ABCA6: variants seen among roughly 807,000 people sequenced by gnomAD.
ABCA6 encodes ATP-binding cassette sub-family A member 6.
ABCA6 carries 164 observed loss-of-function variants against 191.2 expected under a neutral mutation model. The observed-to-expected ratio is 0.86, with a 90% confidence interval of 0.76 to 0.98. The LOEUF is 0.98. Among genes scored for constraint, ABCA6 ranks in the 50% least tolerant of loss-of-function variants. ABCA6 has a pLI of 0.00. For synonymous variants in ABCA6, 636 were observed against 647.7 expected (o/e 0.98, Z 0.27); for missense variants, 1,958 against 1,894.1 (o/e 1.03, Z -0.63).
At position 69,141,743 on chromosome 17, in the gene ABCA6, A is replaced by G. The variant is rs2074026054; in HGVS notation, c.-46+2T>C. ...AGCACAACAAAATAGAGCTTTACTTACTGTCAGGAAAATAATAAAAAGCAC... is the reference window on the plus strand; with the variant it reads ...AGCACAACAAAATAGAGCTTTACTTGCTGTCAGGAAAATAATAAAAAGCAC... On this transcript the variant is annotated splice_donor_variant, in intron 1 of 38. Coordinates refer to ENST00000284425, the MANE Select transcript of ABCA6 (RefSeq NM_080284.3). LOFTEE classifies it low-confidence loss of function (5UTR_SPLICE). 1 of 152,084 alleles carries G rather than the reference A, an allele frequency of 6.6e-6. No homozygotes were observed. Among genetic ancestry groups the G allele is most frequent in the East Asian group, 1.9e-4 (1 of 5,194 alleles). The allele number at this position is 152,084 out of a possible 1,614,324, so 9.4% of individuals were successfully genotyped here.
At chr17:69,128,461 C>CTT (rs759294774) in intron 8 of ABCA6, among the ~76,000 whole-genome samples, 158 bp downstream of exon 8, 2 of 146,484 alleles carry the variant, frequency 1.4e-5, no homozygotes, top group African/African-American at 5.0e-5. Context: ...TGTGAGGTGA[C>CTT]TTTTTTTTTT....
chr17:69,128,762 C>G lies in ABCA6; in HGVS notation c.976G>C (p.Val326Leu), dbSNP rs776811173. The G allele has an allele frequency of 1.2e-6, 2 of 1,610,504 alleles. No individual in the cohort carries two copies. Among genetic ancestry groups the G allele is most frequent in the Non-Finnish European group, 1.7e-6 (2 of 1,178,126 alleles). ...AGAAACACAACCAAATTGGTGAGGA[C>G]AGCTTTCTTTAACAGCACACTCATC... ...FLMSVLLKKA[V>L]LTNLVVFLLT... Residue 326 changes from valine to leucine, a missense_variant, in exon 8 of 39, where the codon GTC becomes CTC. Transcript: ENST00000284425.
chr17:69,087,235 A>G lies in ABCA6; in HGVS notation c.3819+118T>C, dbSNP rs1171107680. 5 of 1,319,948 alleles carry G rather than the reference A, an allele frequency of 3.8e-6. No homozygotes were observed. In the African/African-American group the frequency reaches 4.4e-5, roughly 12 times the overall value. The allele number at this position is 1,319,948 out of a possible 1,614,324, so 81.8% of individuals were successfully genotyped here. On this transcript the variant is annotated intron_variant, in intron 29 of 38. Transcript: ENST00000284425. ...TACTTCTTTGGAGTGTCCTGGACGC[A>G]TAATACAGAAATGCACCAAACTCCA...
At chr17:69,113,141 G>A in intron 15 of ABCA6, 81 bp downstream of exon 15, 1 of 1,487,488 alleles carries the variant, frequency 6.7e-7, no homozygotes. Context: ...AATGAGAGCA[G>A]GGCTCTTACC....
rs189716957 is a variant in ABCA6 at position 69,110,780 on chromosome 17, T to C, written c.2272+21A>G. ...ACATTTTTTCCCATATTTCATTTCATTGTAATCATAGTTGAGTTACCTGGA... is the reference window on the plus strand; with the variant it reads ...ACATTTTTTCCCATATTTCATTTCACTGTAATCATAGTTGAGTTACCTGGA... On this transcript the variant is annotated intron_variant, in intron 17 of 38. Coordinates refer to ENST00000284425, the MANE Select transcript of ABCA6 (RefSeq NM_080284.3). The C allele has an allele frequency of 1.3e-3, 2,125 of 1,585,480 alleles. 2 individuals are homozygous for C. The highest frequency in any genetic ancestry group is 1.7e-3 in the Non-Finnish European group (1,977 of 1,168,106).
At chr17:69,093,159 T>C (rs954542324) in intron 25 of ABCA6, among the ~76,000 whole-genome samples, 2 of 152,192 alleles carry the variant, frequency 1.3e-5, no homozygotes, top group Non-Finnish European at 2.9e-5. Flanking sequence ...CTGAGCAAGT[T>C]ACTAAATTTT....
At chr17:69,084,935 A>T in intron 32 of ABCA6, 93 bp downstream of exon 32, 2 of 1,441,744 alleles carry the variant, frequency 1.4e-6, no homozygotes, top group Non-Finnish European at 1.8e-6. Context: ...TGGAGATAGC[A>T]TATTGACTCT....
At chr17:69,085,444 G>A (rs1350228012) in intron 31 of ABCA6, among the ~76,000 whole-genome samples, 181 bp downstream of exon 31, 1 of 142,610 alleles carries the variant, frequency 7.0e-6, no homozygotes, top group Non-Finnish European at 1.5e-5. Flanking sequence ...TTTCTGGTAA[G>A]ATTCCAAGTC....
intron 36 of ABCA6, 86 bp from the exon 37 acceptor site, chr17:69,081,231 TTTC>T: frequency 3.0e-6 from 2 of 669,852 alleles, no homozygotes; most frequent in Non-Finnish European, 2.6e-6. Flanking sequence ...TACCAACAAT[TTTC>T]TTCTTAAAAT....
At chr17:69,112,130 T>TC in intron 16 of ABCA6, 53 bp downstream of exon 16, 1 of 1,307,868 alleles carries the variant, frequency 7.6e-7, no homozygotes, top group Non-Finnish European at 1.1e-6. Context: ...TCCACCTTTT[T>TC]CATATACCAG....
intron 5 of ABCA6, 148 bp from the exon 6 acceptor site, chr17:69,134,015 T>G: frequency 1.8e-6 from 1 of 552,712 alleles, no homozygotes; most frequent in Non-Finnish European, 3.2e-6. Flanking sequence ...TAAAGGCAAC[T>G]GGATGAAGGG....
At position 69,088,252 on chromosome 17, in the gene ABCA6, A is replaced by G; in HGVS notation, c.3613T>C (p.Phe1205Leu). The G allele has an allele frequency of 6.2e-7, 1 of 1,608,812 alleles. No individual in the cohort carries two copies. The highest frequency in any genetic ancestry group is 8.5e-7 in the Non-Finnish European group (1 of 1,176,866). ...TDFLVCFIPYFQTLLFVFVLR... is the reference protein window; with the variant it reads ...TDFLVCFIPYLQTLLFVFVLR... ...ACAAAAACGAATAGCAAAGTCTGAAAGTAGGGCTATGAGCAAAGAAATACA... is the reference window on the plus strand; with the variant it reads ...ACAAAAACGAATAGCAAAGTCTGAAGGTAGGGCTATGAGCAAAGAAATACA... The change falls in exon 28 of 39, where the codon TTT becomes CTT. Residue 1205 changes from phenylalanine to leucine, a missense_variant. By Grantham distance (22) the Phe-to-Leu change is conservative (BLOSUM62 0). Coordinates refer to ENST00000284425, the MANE Select transcript of ABCA6 (RefSeq NM_080284.3).
intron 25 of ABCA6, among the ~76,000 whole-genome samples, chr17:69,093,570 C>T (rs982743373): frequency 6.6e-6 from 1 of 152,166 alleles, no homozygotes; most frequent in Non-Finnish European, 1.5e-5. Context: ...AAGTTTTTCC[C>T]GCCCCAAAAT....
At chr17:69,104,558 T>C (rs1334101276) in intron 20 of ABCA6, 2 of 150,808 alleles carry the variant, frequency 1.3e-5, no homozygotes, top group Non-Finnish European at 1.5e-5. Flanking sequence ...GGAAGACTCT[T>C]ACTGTGATTT....
chr17:69,083,330 G>A lies in ABCA6; in HGVS notation c.4357C>T (p.Gln1453Ter). 1 of 1,573,282 alleles carries A rather than the reference G, an allele frequency of 6.4e-7. No individual in the cohort carries two copies. Among genetic ancestry groups the A allele is most frequent in the Non-Finnish European group, 8.6e-7 (1 of 1,168,526 alleles). Residue 1453 changes from glutamine to a stop codon, truncating the protein, a stop_gained and splice_region_variant, in exon 35 of 39, where the codon CAG (glutamine) becomes TAG (stop). Transcript: ENST00000284425. LOFTEE classifies it high-confidence loss of function. The part of the protein sequence containing the change: ...IDPTGQQQMW[Q>*]AIQAVVKNTE... ...TTTTTAACGACTGCCTGGATTGCCT[G>A]CCTGCAGTGAGCAAAAAAATTAACA...
At position 69,084,420 on chromosome 17, in the gene ABCA6, C is replaced by A. The variant is rs147432024; in HGVS notation, c.4260+12G>T. 5,942 of 1,614,154 alleles carry A rather than the reference C, an allele frequency of 3.7e-3. 18 individuals are homozygous for A. The highest frequency in any genetic ancestry group is 4.6e-3 in the Non-Finnish European group (5,447 of 1,179,996). ...CACCAGCTCTCCATAGAGCATCACA[C>A]ACCGCACGTACCTTTCTCGTGATTC... On this transcript the variant is annotated intron_variant, in intron 33 of 38. Coordinates refer to ENST00000284425, the MANE Select transcript of ABCA6 (RefSeq NM_080284.3).
chr17:69,098,054 TA>T, intron 22 of ABCA6, 27 bp from the exon 23 acceptor site: 2 of 1,470,256 alleles, frequency 1.4e-6, no homozygotes, highest in South Asian at 2.5e-5. Context: ...TAGCTTAAAC[TA>T]GTGAATATTT....
Position 69,113,266 on chromosome 17 carries a change from A to C in ABCA6, c.1997T>G (p.Ile666Ser), listed in dbSNP as rs1315794280. ...ATCCATGGACTGGGTACTGAAAAGG[A>C]TCACATGATCTGCTCTACGCTCTCT... ...LLRERRADHV[I>S]LFSTQSMDEA... The change falls in exon 15 of 39, where the codon ATC becomes AGC. Residue 666 changes from isoleucine (I) to serine (S), a missense_variant. Ile to Ser is a moderately radical substitution (Grantham distance 142). Coordinates refer to ENST00000284425, the MANE Select transcript of ABCA6 (RefSeq NM_080284.3). 3 of 1,605,766 alleles carry C rather than the reference A, an allele frequency of 1.9e-6. No individual in the cohort carries two copies. Among genetic ancestry groups the C allele is most frequent in the Non-Finnish European group, 2.5e-6 (3 of 1,177,498 alleles).
Position 69,135,804 on chromosome 17 carries a change from G to A in ABCA6, c.460+288C>T, listed in dbSNP as rs993589606. On this transcript the variant is annotated intron_variant, in intron 4 of 38. Transcript: ENST00000284425. ...TAATTGTTCAATGTCTGTCTTTGCT[G>A]CTAACCTGGAATCTCACCTGAGGCT... 1.6e-5 allele frequency: 7 copies of A among 443,090 alleles called. No homozygotes were observed. The East Asian group carries it at 2.3e-4, about 15-fold the overall frequency. 27.4% of individuals were successfully genotyped at this position (443,090 alleles called of 1,614,324 possible). A position where few individuals can be genotyped will look rare whatever the true frequency, so the allele number is the denominator to read the frequency against.
Sources: allele counts gnomAD v4.1 joint callset (sites outside exome capture counted in the v4.1 genomes callset), GRCh38; gene constraint gnomAD v4.1.1; transcripts MANE v1.5; gene names NCBI Gene and HGNC (gene_info 2026-07-23, HGNC 2026-07-21).